The following CSN3 variants were observed in gnomAD, a reference collection of about 807,000 sequenced individuals.
CSN3 encodes kappa-casein.
A neutral mutation model predicts 9.9 loss-of-function variants in CSN3; 7 were observed. The ratio of observed to expected loss-of-function variants is 0.71; its 90% CI spans 0.40 to 1.33. CSN3 has a LOEUF of 1.33. Ranked by LOEUF, CSN3 falls within the 40% of genes most tolerant of loss-of-function variation. The pLI, the probability that CSN3 is intolerant of heterozygous loss-of-function variation, is 0.01. For synonymous variants in CSN3, 88 were observed against 82.3 expected (o/e 1.07, Z -0.37); for missense variants, 253 against 227.9 (o/e 1.11, Z -0.71).
In CSN3 at chr4:70,244,797, TA is replaced by T. The variant is rs746098050; in HGVS notation, c.-8-12del. On this transcript the variant is annotated splice_polypyrimidine_tract_variant and intron_variant, in intron 1 of 4. Transcript: ENST00000304954. ...AAATTCTTTTAAATTAATTTTTTTTTAAATTTATCTTTAGGTGCAATAATGA... is the reference window on the plus strand; with the variant it reads ...AAATTCTTTTAAATTAATTTTTTTTTAATTTATCTTTAGGTGCAATAATGA... 35 of 1,437,818 alleles carry T rather than the reference TA, an allele frequency of 2.4e-5. No individual in the cohort carries two copies. The South Asian group carries it at 3.8e-4, about 16-fold the overall frequency. 89.1% of individuals were successfully genotyped at this position (1,437,818 alleles called of 1,614,324 possible).
chr4:70,247,729 T>C, intron 2 of CSN3, 89 bp from the exon 3 acceptor site: 3 of 1,109,588 alleles, frequency 2.7e-6, no homozygotes, highest in Non-Finnish European at 3.9e-6. Context: ...ATTTTGTCTT[T>C]AACACAAAAG....
At chr4:70,239,959 G>T (rs969230866), upstream of CSN3, among the ~76,000 whole-genome samples, 8 of 151,780 alleles carry the variant, frequency 5.3e-5, no homozygotes, top group Non-Finnish European at 8.8e-5. Flanking sequence ...CTAATCCTAT[G>T]GAAAGCTGTG....
chr4:70,248,939 G>T, intron 3 of CSN3, 59 bp from the exon 4 acceptor site: 1 of 1,255,232 alleles, frequency 8.0e-7, no homozygotes, highest in East Asian at 2.5e-5. Flanking sequence ...GCAGATTTAA[G>T]GTATTTCCAC....
At chr4:70,248,865 T>TG in intron 3 of CSN3, 133 bp from the exon 4 acceptor site, 1 of 497,004 alleles carries the variant, frequency 2.0e-6, no homozygotes, top group Non-Finnish European at 3.5e-6. Context: ...AAAATAATAT[T>TG]GCTGCTGGGT....
chr4:70,240,105 T>C (rs115492888), upstream of CSN3, among the ~76,000 whole-genome samples: 1,051 of 151,946 alleles, frequency 6.9e-3, 10 homozygotes, highest in African/African-American at 0.024. Flanking sequence ...TACATGGATG[T>C]AAATACCATC....
At chr4:70,246,903 C>T (rs1224647827) in intron 2 of CSN3, among the ~76,000 whole-genome samples, 1 of 151,948 alleles carries the variant, frequency 6.6e-6, no homozygotes. Flanking sequence ...AACCCCTGAC[C>T]TCAGATGATC....
exon 4 of CSN3, chr4:70,249,168 A>G: frequency 6.2e-7 from 1 of 1,614,120 alleles, no homozygotes; most frequent in Non-Finnish European, 8.5e-7. Flanking sequence ...ACCCAGCTGT[A>G]GTTAGGCCAC....
rs1400432119 is a variant in CSN3 at position 70,249,437 on chromosome 4, CA to C, written c.528del (p.Val177LeufsTer43). ...AGCACCCCTGAGACAACCACAGTTG[CA>C]GTTACTCCACCTACGGCATAAAAAC... On this transcript the variant is annotated frameshift_variant, in exon 4 of 5. Coordinates refer to ENST00000304954, the Ensembl canonical transcript of CSN3. LOFTEE classifies it low-confidence loss of function (END_TRUNC). The C allele has an allele frequency of 2.5e-6, 4 of 1,613,232 alleles. No individual in the cohort carries two copies. The African/African-American group carries it at 5.3e-5, about 22-fold the overall frequency.
upstream of CSN3, among the ~76,000 whole-genome samples, chr4:70,239,330 G>A (rs1382933416): frequency 6.6e-6 from 1 of 151,822 alleles, no homozygotes; most frequent in Non-Finnish European, 1.5e-5. Context: ...AGCTACCACT[G>A]GATTTGGCTA....
At chr4:70,248,234 A>G (rs1055984567) in intron 3 of CSN3, among the ~76,000 whole-genome samples, 11 of 152,110 alleles carry the variant, frequency 7.2e-5, no homozygotes. Context: ...TCATACATCT[A>G]TATTTACTTC....
At chr4:70,247,888 C>G (rs773263771) in intron 3 of CSN3, 38 bp downstream of exon 3, 3 of 1,529,936 alleles carry the variant, frequency 2.0e-6, no homozygotes, top group Non-Finnish European at 2.7e-6. Context: ...CAGGCATGAA[C>G]TACAAAATAT....
chr4:70,243,723 T>C (rs1031795527), intron 1 of CSN3, among the ~76,000 whole-genome samples: 2 of 152,058 alleles, frequency 1.3e-5, no homozygotes, highest in South Asian at 4.1e-4. Flanking sequence ...TGGGGTATCA[T>C]ATATTATTAG....
intron 3 of CSN3, 66 bp downstream of exon 3, chr4:70,247,916 T>C (rs10518071): frequency 0.14 from 169,441 of 1,179,308 alleles, 13,864 homozygotes; most frequent in East Asian, 0.31. Context: ...AAAGGTCAAT[T>C]GTATTATAGA....
At chr4:70,247,357 T>G (rs3775745) in intron 2 of CSN3, among the ~76,000 whole-genome samples, 60,146 of 151,960 alleles carry the variant, frequency 0.4, 12,074 homozygotes, top group African/African-American at 0.42. Context: ...ATATGTTAAG[T>G]TTATGCAAGA....
exon 5 of CSN3, chr4:70,251,292 C>G (rs1730477061): frequency 6.6e-6 from 1 of 152,182 alleles, no homozygotes; most frequent in Non-Finnish European, 1.5e-5. Flanking sequence ...CTACTTCACA[C>G]TCTCCTTCAG....
chr4:70,248,866 G>C (rs1430554800), intron 3 of CSN3, 132 bp from the exon 4 acceptor site: 1 of 498,202 alleles, frequency 2.0e-6, no homozygotes, highest in Non-Finnish European at 3.5e-6. Context: ...AAATAATATT[G>C]CTGCTGGGTT....
At chr4:70,239,318 A>T (rs758169117), upstream of CSN3, among the ~76,000 whole-genome samples, 15 of 151,886 alleles carry the variant, frequency 9.9e-5, no homozygotes, top group Non-Finnish European at 2.2e-4. Context: ...AGAATATCTA[A>T]CAGCTACCAC....
At chr4:70,250,379 A>T (rs978627843) in intron 4 of CSN3, among the ~76,000 whole-genome samples, 5 of 152,162 alleles carry the variant, frequency 3.3e-5, no homozygotes, top group African/African-American at 1.2e-4. Flanking sequence ...GACTACCATT[A>T]GCCCAGAAAA....
At chr4:70,241,735 AT>A (rs11332970), upstream of CSN3, among the ~76,000 whole-genome samples, 116,404 of 151,612 alleles carry the variant, frequency 0.77, 44,929 homozygotes, top group East Asian at 0.95. Flanking sequence ...TAATTTAATA[AT>A]TTTTTTTTCA....
Sources: allele counts gnomAD v4.1 joint callset (sites outside exome capture counted in the v4.1 genomes callset), GRCh38; gene constraint gnomAD v4.1.1; transcripts MANE v1.5; gene names NCBI Gene and HGNC (gene_info 2026-07-23, HGNC 2026-07-21).